Variants in PARD3B observed in about 807,000 individuals in gnomAD.
PARD3B encodes the protein partitioning defective 3 homolog B.
Under a neutral mutation model 130.2 loss-of-function variants are expected in PARD3B, and 103 were observed. That is an observed-to-expected ratio of 0.79 (90% CI 0.67 to 0.93). PARD3B has a LOEUF of 0.93. PARD3B is among the 40% of genes least tolerant of loss of function. The pLI, the probability that PARD3B is intolerant of heterozygous loss-of-function variation, is 0.00. For synonymous variants in PARD3B, 583 were observed against 553.2 expected (o/e 1.05, Z -0.76); for missense variants, 1,609 against 1,499.2 (o/e 1.07, Z -1.21).
At chr2:204,971,160 AT>A (rs1691666521) in intron 3 of PARD3B, among the ~76,000 whole-genome samples, 1 of 152,164 alleles carries the variant, frequency 6.6e-6, no homozygotes, top group South Asian at 2.1e-4. Flanking sequence ...ATTTTTCTCA[AT>A]TTTTAAGCAA....
chr2:204,697,974 T>G (rs2037696233), intron 2 of PARD3B, among the ~76,000 whole-genome samples: 3 of 152,126 alleles, frequency 2.0e-5, no homozygotes, highest in South Asian at 2.1e-4. Flanking sequence ...GAATTTTATT[T>G]TGTTGTTATG....
At position 204,935,358 on chromosome 2, in the gene PARD3B, T is replaced by A. The variant is rs1189119974; in HGVS notation, c.223-29794T>A. Among the ~76,000 whole-genome samples the A allele has an allele frequency of 7.5e-4, 106 of 140,964 alleles. 3 individuals are homozygous for A. Among genetic ancestry groups the A allele is most frequent in the East Asian group, 6.7e-3 (33 of 4,918 alleles). The allele number at this position is 140,964 out of a possible 152,430, so 92.5% of individuals were successfully genotyped here. On this transcript the variant is annotated intron_variant, in intron 2 of 22. Coordinates refer to ENST00000406610, the MANE Select transcript of PARD3B (RefSeq NM_001302769.2). ...TCCTGGCTAACACGGTGAAACCCTG[T>A]CTCTACTAAAAATACAAAAAAAAAA... is the stretch of plus-strand genomic sequence containing the variant.
intron 2 of PARD3B, among the ~76,000 whole-genome samples, chr2:204,738,304 C>T (rs1274655771): frequency 6.6e-6 from 1 of 151,794 alleles, no homozygotes; most frequent in Non-Finnish European, 1.5e-5. Flanking sequence ...TACATATGTT[C>T]TTAGGTATTT....
intron 2 of PARD3B, among the ~76,000 whole-genome samples, chr2:204,724,510 T>C (rs1334842504): frequency 6.6e-6 from 1 of 152,192 alleles, no homozygotes. Context: ...TTATTCAGTA[T>C]AAATTTGCTT....
chr2:204,979,197 CTCTGTCTCAAAA>C (rs1692455823), intron 3 of PARD3B, among the ~76,000 whole-genome samples: 2 of 148,496 alleles, frequency 1.3e-5, no homozygotes, highest in South Asian at 4.3e-4. Context: ...CAGAGCGAGA[CTCTGTCTCAAAA>C]AAAAAAAAAA....
intron 4 of PARD3B, among the ~76,000 whole-genome samples, chr2:205,056,478 G>A (rs1699640705): frequency 6.6e-6 from 1 of 151,878 alleles, no homozygotes; most frequent in African/African-American, 2.4e-5. Context: ...TCACCATACA[G>A]CTTTTGATGT....
intron 2 of PARD3B, among the ~76,000 whole-genome samples, chr2:204,688,306 A>G (rs1483165498): frequency 1.3e-5 from 2 of 152,132 alleles, no homozygotes; most frequent in African/African-American, 2.4e-5. Flanking sequence ...CGTAAGTGGC[A>G]CGGTGGCTCA....
At chr2:205,389,552 A>G (rs849239) in intron 18 of PARD3B, among the ~76,000 whole-genome samples, 136,828 of 152,000 alleles carry the variant, frequency 0.9, 61,743 homozygotes, top group East Asian at 0.97. Flanking sequence ...TAGTAGAAAC[A>G]GGGTTTCACC....
chr2:205,182,209 T>G (rs957173889), intron 13 of PARD3B, among the ~76,000 whole-genome samples: 2 of 151,962 alleles, frequency 1.3e-5, no homozygotes, highest in Non-Finnish European at 2.9e-5. Flanking sequence ...GGAGAATGGC[T>G]TGAACCCGGG....
intron 18 of PARD3B, among the ~76,000 whole-genome samples, chr2:205,323,254 CTGTAAGTGT>C (rs72196083): frequency 0.05 from 7,534 of 152,130 alleles, 428 homozygotes; most frequent in African/African-American, 0.14. Flanking sequence ...GTAGATAGCA[CTGTAAGTGT>C]TTTAAGAATG....
At chr2:204,807,646 T>C (rs985459304) in intron 2 of PARD3B, among the ~76,000 whole-genome samples, 7 of 152,120 alleles carry the variant, frequency 4.6e-5, no homozygotes, top group African/African-American at 1.7e-4. Flanking sequence ...ACACAGTGCA[T>C]TATTCAGCCA....
At chr2:204,885,755 C>A (rs541654708) in intron 2 of PARD3B, among the ~76,000 whole-genome samples, 1 of 152,084 alleles carries the variant, frequency 6.6e-6, no homozygotes, top group South Asian at 2.1e-4. Flanking sequence ...AGTTGGGGGC[C>A]TATATGTCCA....
At chr2:205,597,088 G>C (rs1238541872) in intron 22 of PARD3B, among the ~76,000 whole-genome samples, 1 of 151,540 alleles carries the variant, frequency 6.6e-6, no homozygotes, top group Non-Finnish European at 1.5e-5. Context: ...GGGTAAGTTG[G>C]TTACCTACGT....
chr2:205,319,757 C>T (rs2042685041), intron 18 of PARD3B, among the ~76,000 whole-genome samples: 2 of 152,304 alleles, frequency 1.3e-5, no homozygotes, highest in South Asian at 4.1e-4. Flanking sequence ...GTGAGAAATC[C>T]ATTCTGGAAA....
At chr2:204,636,704 C>G (rs1193739466) in intron 1 of PARD3B, among the ~76,000 whole-genome samples, 1 of 152,094 alleles carries the variant, frequency 6.6e-6, no homozygotes. Flanking sequence ...GGTTTCACAG[C>G]CTTAGATTAT....
chr2:204,887,491 T>G lies in PARD3B; in HGVS notation c.223-77661T>G, dbSNP rs1033884411. On this transcript the variant is annotated intron_variant, in intron 2 of 22. Transcript: ENST00000406610. This position sits in a 1 kb window ranked among gnomAD's most constrained non-coding sequence, Gnocchi z 4.2. ...CATGTTGGCTAGTTGTAGCAAGTTTTAAAAGCAAAACACTCAAATTATACC... is the reference window on the plus strand; with the variant it reads ...CATGTTGGCTAGTTGTAGCAAGTTTGAAAAGCAAAACACTCAAATTATACC... Among the ~76,000 whole-genome samples, 3 of 152,168 alleles carry G rather than the reference T, an allele frequency of 2.0e-5. No homozygotes were observed. Among genetic ancestry groups the G allele is most frequent in the Non-Finnish European group, 4.4e-5 (3 of 68,020 alleles).
intron 3 of PARD3B, among the ~76,000 whole-genome samples, chr2:204,979,817 C>A (rs1692515239): frequency 6.6e-6 from 1 of 152,068 alleles, no homozygotes; most frequent in East Asian, 1.9e-4. Flanking sequence ...CTACCTCACA[C>A]TATATACAAA....
At chr2:204,977,397 T>C (rs970453013) in intron 3 of PARD3B, among the ~76,000 whole-genome samples, 1 of 152,160 alleles carries the variant, frequency 6.6e-6, no homozygotes, top group Non-Finnish European at 1.5e-5. Context: ...CCCAGAACAC[T>C]GTATTAGCCA....
intron 1 of PARD3B, among the ~76,000 whole-genome samples, chr2:204,601,790 T>C (rs2125105972): frequency 6.6e-6 from 1 of 152,154 alleles, no homozygotes; most frequent in East Asian, 1.9e-4. Flanking sequence ...GGAAGTAATC[T>C]TGAGTAGTTC....
Sources: gnomAD v4.1 joint callset for allele counts (sites outside exome capture counted in the v4.1 genomes callset) on GRCh38, gnomAD v4.1.1 for gene constraint, Gnocchi (gnomAD v3.1) non-coding constraint, MANE v1.5 for transcripts, NCBI Gene and HGNC (gene_info 2026-07-23, HGNC 2026-07-21) for gene names.